The following PTPRN2 variants were observed in gnomAD, a reference collection of about 807,000 sequenced individuals.
The protein encoded by PTPRN2 is receptor-type tyrosine-protein phosphatase N2.
Under a neutral mutation model 118.8 loss-of-function variants are expected in PTPRN2, and 74 were observed. The ratio of observed to expected loss-of-function variants is 0.62; its 90% CI spans 0.52 to 0.76. PTPRN2 has a LOEUF of 0.76. Among genes scored for constraint, PTPRN2 ranks in the 30% least tolerant of loss-of-function variants. The pLI, the probability that PTPRN2 is intolerant of heterozygous loss-of-function variation, is 0.00. For missense variants in PTPRN2, 1,481 were observed against 1,394.4 expected, an observed-to-expected ratio of 1.06 and a Z score of -0.99; for synonymous variants, 641 against 608.0, an observed-to-expected ratio of 1.05 and a Z score of -0.80.
intron 2 of PTPRN2, among the ~76,000 whole-genome samples, chr7:158,336,363 C>A (rs1805527790): frequency 2.2e-5 from 3 of 137,384 alleles, no homozygotes; most frequent in Admixed American, 7.4e-5. Flanking sequence ...CACACTCTCA[C>A]CATAAGAGCT....
At chr7:158,478,920 G>A (rs1023456814) in intron 2 of PTPRN2, among the ~76,000 whole-genome samples, 3 of 152,104 alleles carry the variant, frequency 2.0e-5, no homozygotes, top group Non-Finnish European at 4.4e-5. Context: ...AGGTGAAAGT[G>A]GCCCCACAGG....
chr7:157,942,254 G>C (rs973855769), intron 11 of PTPRN2, among the ~76,000 whole-genome samples: 19 of 151,406 alleles, frequency 1.3e-4, no homozygotes, highest in Admixed American at 7.2e-4. Context: ...TTCCAGAGGA[G>C]GTGATCTTGA....
intron 2 of PTPRN2, among the ~76,000 whole-genome samples, chr7:158,429,939 G>T (rs897024817): frequency 6.6e-6 from 1 of 151,970 alleles, no homozygotes; most frequent in Non-Finnish European, 1.5e-5. Context: ...ATGGAGTCTC[G>T]CTCTGTCGTC....
At chr7:157,573,532 G>C (rs1192800572) in intron 19 of PTPRN2, among the ~76,000 whole-genome samples, 1 of 152,192 alleles carries the variant, frequency 6.6e-6, no homozygotes, top group Non-Finnish European at 1.5e-5. Context: ...ACCCAAAAAA[G>C]GGACAGTAAA....
At position 158,319,681 on chromosome 7, in the gene PTPRN2, AGCCTCTCT is replaced by A. The variant is rs1408570942; in HGVS notation, c.164-2757_164-2750del. Among the ~76,000 whole-genome samples, 7 of 4,052 alleles carry A rather than the reference AGCCTCTCT, an allele frequency of 1.7e-3. 1 individual carries two copies. Among genetic ancestry groups the A allele is most frequent in the African/African-American group, 4.4e-3 (1 of 228 alleles). 2.7% of individuals were successfully genotyped at this position (4,052 alleles called of 152,430 possible). On this transcript the variant is annotated intron_variant, in intron 2 of 22. Coordinates refer to ENST00000389418, the MANE Select transcript of PTPRN2 (RefSeq NM_002847.5). ...CACACACAGCCTCCCTCACACACAC[AGCCTCTCT>A]CACACAGCCTCCCTCATACACACAG...
intron 11 of PTPRN2, among the ~76,000 whole-genome samples, chr7:158,052,626 G>T (rs899176601): frequency 6.6e-6 from 1 of 151,626 alleles, no homozygotes; most frequent in Non-Finnish European, 1.5e-5. Flanking sequence ...AATTTGCCTC[G>T]TGGGGGCCAT....
chr7:157,642,578 G>A (rs1017097365), intron 14 of PTPRN2, among the ~76,000 whole-genome samples: 6 of 152,100 alleles, frequency 3.9e-5, no homozygotes, highest in African/African-American at 9.7e-5. Context: ...GTCTCCGTCC[G>A]TCACTGGGTG....
intron 22 of PTPRN2, among the ~76,000 whole-genome samples, chr7:157,543,878 T>C (rs1325635509): frequency 2.6e-5 from 4 of 152,108 alleles, no homozygotes; most frequent in African/African-American, 4.8e-5. Context: ...ACCGTGAGAG[T>C]TGAGCCCTGC....
At chr7:158,209,912 A>G (rs1457012848) in intron 3 of PTPRN2, among the ~76,000 whole-genome samples, 1 of 152,198 alleles carries the variant, frequency 6.6e-6, no homozygotes. Flanking sequence ...GAAACTATAC[A>G]AACACATGGA....
At chr7:158,031,492 C>T (rs1807682948) in intron 11 of PTPRN2, among the ~76,000 whole-genome samples, 1 of 152,164 alleles carries the variant, frequency 6.6e-6, no homozygotes, top group African/African-American at 2.4e-5. Context: ...TGTGAGAATA[C>T]AGTGTACCCA....
At chr7:157,628,223 A>G (rs1803705242) in intron 14 of PTPRN2, among the ~76,000 whole-genome samples, 1 of 152,216 alleles carries the variant, frequency 6.6e-6, no homozygotes, top group Admixed American at 6.5e-5. Context: ...GATTGCCATG[A>G]ACACTTTGAG....
intron 10 of PTPRN2, among the ~76,000 whole-genome samples, chr7:158,096,933 C>T (rs1169246044): frequency 6.6e-6 from 1 of 152,216 alleles, no homozygotes; most frequent in African/African-American, 2.4e-5. Context: ...TACTAACGCA[C>T]AGCACTGTCG....
intron 15 of PTPRN2, chr7:157,616,180 C>T (rs1802761756): frequency 6.5e-6 from 1 of 155,022 alleles, no homozygotes; most frequent in South Asian, 2.0e-4. Flanking sequence ...CATGCCACAC[C>T]AGGCCAGACA....
At chr7:157,691,227 C>A (rs1447355436) in intron 12 of PTPRN2, among the ~76,000 whole-genome samples, 1 of 151,784 alleles carries the variant, frequency 6.6e-6, no homozygotes, top group Non-Finnish European at 1.5e-5. Context: ...TTCAGTGTTT[C>A]TCCCTTTCAT....
intron 14 of PTPRN2, among the ~76,000 whole-genome samples, chr7:157,644,811 AAAAAC>A (rs1189289528): frequency 1.5e-5 from 2 of 132,114 alleles, no homozygotes; most frequent in Non-Finnish European, 3.5e-5. Context: ...ACAAAAAAAA[AAAAAC>A]AAAAAACAAA....
intron 2 of PTPRN2, among the ~76,000 whole-genome samples, chr7:158,329,950 C>A (rs1298511825): frequency 1.3e-5 from 2 of 151,968 alleles, no homozygotes; most frequent in Non-Finnish European, 1.5e-5. Flanking sequence ...CTCACAAAAT[C>A]CTCAGGTCTT....
chr7:158,174,265 C>T (rs765581482), intron 5 of PTPRN2, among the ~76,000 whole-genome samples: 16 of 152,084 alleles, frequency 1.1e-4, no homozygotes, highest in South Asian at 2.1e-4. Flanking sequence ...CCTGACTTCC[C>T]GCAACAACTT....
In PTPRN2 at chr7:157,618,668, C is replaced by A. The variant is rs1281651860; in HGVS notation, c.2344+2694G>T. 6.6e-6 allele frequency: 1 copy of A among 152,198 alleles called. No homozygotes were observed. The allele number at this position is 152,198 out of a possible 1,614,324, so 9.4% of individuals were successfully genotyped here. A position where few individuals can be genotyped will look rare whatever the true frequency, so the allele number is the denominator to read the frequency against. ...GAGCTTTTGCCAAGCCACTGTCTCC[C>A]GGAGGACAAGATCTCCTTCCCAAAA... On this transcript the variant is annotated intron_variant, in intron 15 of 22. Coordinates refer to ENST00000389418, the MANE Select transcript of PTPRN2 (RefSeq NM_002847.5). The surrounding 1 kb of genome is among the most constrained non-coding windows in gnomAD (Gnocchi z 4.2).
intron 12 of PTPRN2, among the ~76,000 whole-genome samples, chr7:157,703,149 C>T (rs35098338): frequency 0.16 from 24,489 of 152,222 alleles, 2,395 homozygotes; most frequent in Non-Finnish European, 0.22. Flanking sequence ...GCCTCTGAGA[C>T]GGCCCAGGGC....
Sources: gnomAD v4.1 joint callset for allele counts (sites outside exome capture counted in the v4.1 genomes callset) on GRCh38, gnomAD v4.1.1 for gene constraint, Gnocchi (gnomAD v3.1) non-coding constraint, MANE v1.5 for transcripts, NCBI Gene and HGNC (gene_info 2026-07-23, HGNC 2026-07-21) for gene names.